Variants in DRC7 observed in about 807,000 individuals in gnomAD.
DRC7 encodes the protein coiled-coil domain containing 135.
In DRC7, 80 loss-of-function variants were observed where a neutral mutation model predicts 104.4. That is an observed-to-expected ratio of 0.77 (90% CI 0.64 to 0.92). DRC7 has a LOEUF of 0.92. DRC7 is among the 40% of genes least tolerant of loss of function. The probability of loss-of-function intolerance (pLI) is 0.00; values close to 1 mark genes in which losing one functional copy is unlikely to be tolerated. For missense variants in DRC7, 1,034 were observed against 1,141.1 expected, an observed-to-expected ratio of 0.91 and a Z score of 1.35; for synonymous variants, 405 against 447.3, an observed-to-expected ratio of 0.91 and a Z score of 1.19.
chr16:57,697,982 G>A lies in DRC7; in HGVS notation c.33G>A (p.Glu11=). 4 of 1,613,460 alleles carry A rather than the reference G, an allele frequency of 2.5e-6. No homozygotes were observed. Among genetic ancestry groups the A allele is most frequent in the South Asian group, 2.2e-5 (2 of 91,058 alleles). MEVLREKVEE[E]EEAEREEAAE... The stretch of plus-strand genomic sequence containing the variant: ...TCCTGAGGGAGAAGGTGGAGGAGGA[G>A]GAGGAGGCCGAGCGGGAGGAGGCGG... Residue 11 remains glutamate, a synonymous_variant, in exon 3 of 19, where the codon GAG becomes GAA. Coordinates refer to ENST00000360716, the MANE Select transcript of DRC7 (RefSeq NM_001289162.2).
rs1212786360 is a variant in DRC7, at chr16:57,726,194, G to A, written c.1885G>A (p.Ala629Thr). ...RYHCREDHITASKREFLRRTE... is the reference protein window; with the variant it reads ...RYHCREDHITTSKREFLRRTE... ...CCACTGCCGTGAGGACCACATCACG[G>A]CCTCCAAGCGCGAGTTCCTGCGGCG... Residue 629 changes from alanine (A) to threonine (T), a missense_variant, in exon 14 of 19, where the codon GCC becomes ACC. Ala to Thr is a moderately conservative substitution (Grantham distance 58, BLOSUM62 0). Transcript: ENST00000360716. The A allele has an allele frequency of 1.2e-6, 2 of 1,613,130 alleles. No homozygotes were observed. The highest frequency in any genetic ancestry group is 2.2e-5 in the East Asian group (1 of 44,896).
At chr16:57,702,348 C>T (rs2048669126) in intron 6 of DRC7, among the ~76,000 whole-genome samples, 2 of 152,298 alleles carry the variant, frequency 1.3e-5, no homozygotes, top group South Asian at 4.1e-4. Context: ...GCCCAGTTTT[C>T]CAAGCTGGCT....
At chr16:57,728,303 T>G (rs1220167162) in intron 16 of DRC7, 87 bp from the exon 17 acceptor site, 9 of 1,325,998 alleles carry the variant, frequency 6.8e-6, no homozygotes, top group Non-Finnish European at 9.2e-6. Flanking sequence ...GAGGTCTGGC[T>G]TTGTGCTGGC....
chr16:57,728,330 G>A (rs1464789724), intron 16 of DRC7, 60 bp from the exon 17 acceptor site: 3 of 1,459,556 alleles, frequency 2.1e-6, no homozygotes, highest in Non-Finnish European at 2.8e-6. Context: ...CTGATGCAGA[G>A]CTGGTGGAGA....
intron 12 of DRC7, among the ~76,000 whole-genome samples, chr16:57,724,102 G>A (rs1160063915): frequency 1.3e-5 from 2 of 152,038 alleles, no homozygotes; most frequent in African/African-American, 4.8e-5. Context: ...CTGAGGTCAG[G>A]AGTTTGAGAC....
At chr16:57,724,576 T>G in intron 12 of DRC7, 39 bp from the exon 13 acceptor site, 1 of 1,479,204 alleles carries the variant, frequency 6.8e-7, no homozygotes, top group Non-Finnish European at 9.3e-7. Flanking sequence ...TCCTAGTGCT[T>G]ATGAAGCTGT....
chr16:57,715,732 C>G (rs770199632), intron 8 of DRC7, among the ~76,000 whole-genome samples: 1 of 152,224 alleles, frequency 6.6e-6, no homozygotes, highest in Non-Finnish European at 1.5e-5. Flanking sequence ...AGAGCCGACA[C>G]TGCCCTCCCC....
At chr16:57,703,709 GTAATCTC>G (rs1432219984) in intron 6 of DRC7, among the ~76,000 whole-genome samples, 1 of 152,176 alleles carries the variant, frequency 6.6e-6, no homozygotes, top group Non-Finnish European at 1.5e-5. Context: ...TTGGGAGGCT[GTAATCTC>G]AGCATTTTGG....
In DRC7 at chr16:57,697,972, TGGA is replaced by T. The variant is rs143282103; in HGVS notation, c.38_40del (p.Glu13del). 90 of 1,601,738 alleles carry T rather than the reference TGGA, an allele frequency of 5.6e-5. 1 individual carries two copies. The highest frequency in any genetic ancestry group is 1.1e-4 in the African/African-American group (8 of 73,608). On this transcript the variant is annotated inframe_deletion, in exon 3 of 19. Coordinates refer to ENST00000360716, the MANE Select transcript of DRC7 (RefSeq NM_001289162.2). ...AGAATGGAGGTCCTGAGGGAGAAGGTGGAGGAGGAGGAGGAGGCCGAGCGGGAG... is the reference window on the plus strand; with the variant it reads ...AGAATGGAGGTCCTGAGGGAGAAGGTGGAGGAGGAGGAGGCCGAGCGGGAG...
intron 16 of DRC7, 150 bp downstream of exon 16, chr16:57,727,559 C>A (rs1312767958): frequency 2.1e-5 from 13 of 617,720 alleles, no homozygotes; most frequent in East Asian, 1.7e-4. Context: ...CTGAACTGAC[C>A]ATTTCTATGG....
chr16:57,727,046 T>C, intron 15 of DRC7, 104 bp downstream of exon 15: 1 of 758,648 alleles, frequency 1.3e-6, no homozygotes. Context: ...ATTATGGCTC[T>C]ACATCCCGGG....
chr16:57,720,598 G>C (rs1056394138), intron 9 of DRC7, among the ~76,000 whole-genome samples: 8 of 152,176 alleles, frequency 5.3e-5, no homozygotes, highest in African/African-American at 1.7e-4. Context: ...AAGACGGACA[G>C]AGGGCAGCCC....
chr16:57,705,129 A>G (rs34851280), intron 7 of DRC7, 95 bp downstream of exon 7: 353,774 of 1,378,830 alleles, frequency 0.26, 46,656 homozygotes, highest in East Asian at 0.42. Flanking sequence ...GGATGTGTGT[A>G]TGGACCCCCC....
chr16:57,696,326 A>G (rs1262864386), intron 1 of DRC7, 138 bp from the exon 2 acceptor site: 1 of 152,280 alleles, frequency 6.6e-6, no homozygotes, highest in Non-Finnish European at 1.5e-5. Context: ...CATAGCAGGC[A>G]GCTTTAGCCC....
At position 57,731,420 on chromosome 16, in the gene DRC7, G is replaced by C. The variant is rs1482807726; in HGVS notation, c.*162G>C. ...AGCCCTGTTTGTTCCTGCTTCTCATGATTTTCCTGTAAATAAACACACTCT... is the reference window on the plus strand; with the variant it reads ...AGCCCTGTTTGTTCCTGCTTCTCATCATTTTCCTGTAAATAAACACACTCT... On this transcript the variant is annotated 3_prime_UTR_variant, in exon 19 of 19. Transcript: ENST00000360716. The C allele has an allele frequency of 1.6e-6, 1 of 608,030 alleles. No individual in the cohort carries two copies. Among genetic ancestry groups the C allele is most frequent in the East Asian group, 2.8e-5 (1 of 35,976 alleles). 37.7% of individuals were successfully genotyped at this position (608,030 alleles called of 1,614,324 possible).
chr16:57,701,715 T>C (rs1283602755), intron 5 of DRC7: 2 of 554,342 alleles, frequency 3.6e-6, no homozygotes, highest in East Asian at 3.0e-5. Flanking sequence ...AGGAAGTCCA[T>C]AGCCCCTTCA....
At chr16:57,728,912 GGATGGGTGGGTGCATGAACA>G (rs1567890231) in intron 17 of DRC7, among the ~76,000 whole-genome samples, 1 of 151,396 alleles carries the variant, frequency 6.6e-6, no homozygotes, top group African/African-American at 2.4e-5. Flanking sequence ...GTAGATAGAG[GGATGGGTGGGTGCATGAACA>G]GATGGGTGGG....
chr16:57,713,134 A>G (rs1484949102), intron 8 of DRC7, among the ~76,000 whole-genome samples: 1 of 152,218 alleles, frequency 6.6e-6, no homozygotes, highest in African/African-American at 2.4e-5. Context: ...GGACCATAAT[A>G]TGGTCTGTCT....
At chr16:57,730,169 G>A (rs1214580791) in intron 17 of DRC7, among the ~76,000 whole-genome samples, 1 of 145,066 alleles carries the variant, frequency 6.9e-6, no homozygotes, top group Non-Finnish European at 1.5e-5. Flanking sequence ...GGATGAGTAG[G>A]TGGGTGGATG....
Sources: gnomAD v4.1 joint callset for allele counts (sites outside exome capture counted in the v4.1 genomes callset) on GRCh38, gnomAD v4.1.1 for gene constraint, MANE v1.5 for transcripts, NCBI Gene and HGNC (gene_info 2026-07-23, HGNC 2026-07-21) for gene names.